XKR6: variants seen among roughly 807,000 people sequenced by gnomAD.
XKR6 encodes XK-related protein 6.
A neutral mutation model predicts 56.7 loss-of-function variants in XKR6; 22 were observed. That is an observed-to-expected ratio of 0.39 (90% CI 0.28 to 0.55). The LOEUF (loss-of-function observed/expected upper bound fraction) is 0.55, where lower values mean the gene tolerates loss of function less well. XKR6 is among the 20% of genes least tolerant of loss of function. The pLI is 0.66. For synonymous variants in XKR6, 524 were observed against 387.8 expected (o/e 1.35, Z -4.13); for missense variants, 852 against 889.0 (o/e 0.96, Z 0.53).
At chr8:11,097,721 C>T (rs541939541) in intron 1 of XKR6, among the ~76,000 whole-genome samples, 32 of 147,322 alleles carry the variant, frequency 2.2e-4, no homozygotes, top group Admixed American at 1.4e-3. Flanking sequence ...GCAGCAGAAT[C>T]GCTTGAACCC....
rs1586278968 is a variant in XKR6, at chr8:10,898,398, A to G, written c.1480T>C (p.Tyr494His). 6.2e-7 allele frequency: 1 copy of G among 1,613,994 alleles called. No individual in the cohort carries two copies. ...FVAGIAMMLL[Y>H]YGVLHPTGPR... is the part of the protein sequence containing the mutation. ...CCTGTGGGATGCAGCACGCCATAGTATAAGAGCATCATTGCGATCCCAGCC... is the reference window on the plus strand; with the variant it reads ...CCTGTGGGATGCAGCACGCCATAGTGTAAGAGCATCATTGCGATCCCAGCC... Residue 494 changes from tyrosine (Y) to histidine (H), a missense_variant, in exon 3 of 3, where the codon TAC becomes CAC. Around this residue, in one of 4 missense-constraint regions of XKR6, gnomAD observed 197 missense variants for 190.9 expected, o/e 1.03. Coordinates refer to ENST00000416569, the MANE Select transcript of XKR6 (RefSeq NM_173683.4). This position sits in a 1 kb window ranked among gnomAD's most constrained non-coding sequence, Gnocchi z 6.6.
At chr8:11,130,221 C>CTA (rs908639878) in intron 1 of XKR6, among the ~76,000 whole-genome samples, 4 of 152,014 alleles carry the variant, frequency 2.6e-5, no homozygotes, top group African/African-American at 9.7e-5. Context: ...TGTGTGCACT[C>CTA]AGTTTACAGT....
At chr8:11,102,823 T>A (rs1161684411) in intron 1 of XKR6, among the ~76,000 whole-genome samples, 1 of 152,190 alleles carries the variant, frequency 6.6e-6, no homozygotes, top group East Asian at 1.9e-4. Flanking sequence ...CAGAACTGGC[T>A]GCATTTGGAG....
chr8:11,100,738 T>C (rs942344921), intron 1 of XKR6, among the ~76,000 whole-genome samples: 9 of 152,262 alleles, frequency 5.9e-5, no homozygotes, highest in Admixed American at 2.0e-4. Context: ...ATTAGGCTAA[T>C]TGAACTAGGA....
chr8:11,052,103 C>G (rs1799564622), intron 1 of XKR6, among the ~76,000 whole-genome samples: 1 of 152,144 alleles, frequency 6.6e-6, no homozygotes, highest in South Asian at 2.1e-4. Context: ...CCAGACCCCT[C>G]ACCCCCTCTG....
intron 1 of XKR6, among the ~76,000 whole-genome samples, chr8:10,926,921 C>G (rs1187717916): frequency 7.2e-5 from 11 of 151,924 alleles, no homozygotes; most frequent in Non-Finnish European, 1.6e-4. Flanking sequence ...AGGGAGAGAC[C>G]CAGAGAGATA....
At chr8:10,965,185 C>G (rs1802181060) in intron 1 of XKR6, among the ~76,000 whole-genome samples, 2 of 152,238 alleles carry the variant, frequency 1.3e-5, no homozygotes, top group South Asian at 4.1e-4. Flanking sequence ...ACACGTCCTT[C>G]TTAAGTCCTT....
chr8:11,081,109 C>T (rs1048939973), intron 1 of XKR6, among the ~76,000 whole-genome samples: 3 of 152,208 alleles, frequency 2.0e-5, no homozygotes, highest in Admixed American at 2.0e-4. Context: ...CTGCAAGAAG[C>T]CGTCTACCTC....
At chr8:11,120,924 C>T (rs981223149) in intron 1 of XKR6, among the ~76,000 whole-genome samples, 2 of 152,132 alleles carry the variant, frequency 1.3e-5, no homozygotes, top group Non-Finnish European at 2.9e-5. Flanking sequence ...CTGAGAAAAA[C>T]AAGCAATGGG....
At chr8:11,146,534 TG>T (rs1330739893) in intron 1 of XKR6, among the ~76,000 whole-genome samples, 2 of 150,222 alleles carry the variant, frequency 1.3e-5, no homozygotes, top group African/African-American at 2.5e-5. Context: ...AAAGCTGAGT[TG>T]GGGGGATCAC....
chr8:11,027,349 A>G (rs1188856891), intron 1 of XKR6, among the ~76,000 whole-genome samples: 2 of 152,230 alleles, frequency 1.3e-5, no homozygotes, highest in Non-Finnish European at 2.9e-5. Flanking sequence ...TAGAATTAAA[A>G]TTAATTTCAT....
intron 1 of XKR6, among the ~76,000 whole-genome samples, chr8:10,986,937 A>T (rs1586395144): frequency 6.8e-6 from 1 of 146,570 alleles, no homozygotes; most frequent in East Asian, 2.0e-4. Context: ...TGCCTGGCCA[A>T]TTTTTTTTTT....
intron 1 of XKR6, among the ~76,000 whole-genome samples, chr8:11,118,397 T>C (rs1434418467): frequency 2.0e-5 from 3 of 152,248 alleles, no homozygotes; most frequent in Admixed American, 6.5e-5. Flanking sequence ...CAGCTCCTCC[T>C]TGTACCTCTG....
intron 1 of XKR6, among the ~76,000 whole-genome samples, chr8:10,970,362 G>C (rs1021505335): frequency 2.0e-5 from 3 of 152,052 alleles, no homozygotes; most frequent in African/African-American, 7.2e-5. Flanking sequence ...ACATTTTCTT[G>C]GATCCTTTCT....
intron 1 of XKR6, among the ~76,000 whole-genome samples, chr8:11,120,220 C>G (rs865847684): frequency 3.9e-5 from 6 of 152,148 alleles, no homozygotes; most frequent in South Asian, 2.1e-4. Context: ...AAAGGGCATT[C>G]AAGTAAGAAA....
At chr8:11,190,254 A>AGAAAG (rs1017589262) in intron 1 of XKR6, among the ~76,000 whole-genome samples, 1 of 151,570 alleles carries the variant, frequency 6.6e-6, no homozygotes, top group Non-Finnish European at 1.5e-5. Context: ...AGAAAAGAAA[A>AGAAAG]GAAAGGAAAG....
intron 1 of XKR6, among the ~76,000 whole-genome samples, chr8:11,148,796 T>C (rs1056553487): frequency 3.7e-4 from 56 of 152,186 alleles, no homozygotes; most frequent in African/African-American, 1.2e-3. Context: ...AGCAGATGAA[T>C]GGACAAACTG....
intron 2 of XKR6, among the ~76,000 whole-genome samples, chr8:10,920,649 A>C (rs1056793982): frequency 6.6e-6 from 1 of 152,272 alleles, no homozygotes; most frequent in Non-Finnish European, 1.5e-5. Flanking sequence ...ATCTACTGGC[A>C]TAACAAAATT....
intron 1 of XKR6, among the ~76,000 whole-genome samples, chr8:11,104,080 C>G (rs868515202): frequency 1.6e-4 from 24 of 152,214 alleles, no homozygotes; most frequent in Admixed American, 5.9e-4. Context: ...AAGCAGGTGT[C>G]TGCCTCACTA....
Sources: allele counts gnomAD v4.1 joint callset (sites outside exome capture counted in the v4.1 genomes callset), GRCh38; gene constraint gnomAD v4.1.1; regional missense constraint gnomAD v4.1.1; non-coding constraint Gnocchi (gnomAD v3.1); transcripts MANE v1.5; gene names NCBI Gene and HGNC (gene_info 2026-07-23, HGNC 2026-07-21).